The following PXK variants were observed in gnomAD, a reference collection of about 807,000 sequenced individuals.
The protein encoded by PXK is PX domain containing serine/threonine kinase like, also known as PX domain-containing protein kinase-like protein.
A neutral mutation model predicts 84.7 loss-of-function variants in PXK; 35 were observed. That is an observed-to-expected ratio of 0.41 (90% CI 0.32 to 0.55). The LOEUF (loss-of-function observed/expected upper bound fraction) is 0.55, where lower values mean the gene tolerates loss of function less well. Among genes scored for constraint, PXK ranks in the 20% least tolerant of loss-of-function variants. The probability of loss-of-function intolerance (pLI) is 0.21; values close to 1 mark genes in which losing one functional copy is unlikely to be tolerated. For missense variants in PXK, 634 were observed against 699.7 expected, an observed-to-expected ratio of 0.91 and a Z score of 1.06; for synonymous variants, 253 against 260.8, an observed-to-expected ratio of 0.97 and a Z score of 0.29.
At chr3:58,335,018 GGTGTGT>G (rs375780661) in intron 1 of PXK, among the ~76,000 whole-genome samples, 13,834 of 106,368 alleles carry the variant, frequency 0.13, 1,086 homozygotes, top group African/African-American at 0.23. Context: ...TGTCCAGGCT[GGTGTGT>G]GTGTGTGTGT....
chr3:58,423,397 A>G lies in PXK; in HGVS notation c.1529-1355A>G, dbSNP rs981111596. On this transcript the variant is annotated intron_variant, in intron 17 of 17. Coordinates refer to ENST00000356151, the MANE Select transcript of PXK (RefSeq NM_017771.5). ...GTATTTAGTCTTTATTTGTATTGCTATCTTTGAGCATTCCAAGATTGCAGA... is the reference window on the plus strand; with the variant it reads ...GTATTTAGTCTTTATTTGTATTGCTGTCTTTGAGCATTCCAAGATTGCAGA... The G allele has an allele frequency of 3.3e-6, 5 of 1,507,360 alleles. No individual in the cohort carries two copies. The African/African-American group carries it at 4.1e-5, about 12-fold the overall frequency. 93.4% of individuals were successfully genotyped at this position (1,507,360 alleles called of 1,614,324 possible).
intron 17 of PXK, chr3:58,420,472 T>C: frequency 6.6e-7 from 1 of 1,511,992 alleles, no homozygotes; most frequent in Non-Finnish European, 8.9e-7. Context: ...TTTGATTAAA[T>C]GACACTAAAA....
intron 3 of PXK, among the ~76,000 whole-genome samples, chr3:58,373,929 C>T (rs1270420438): frequency 6.6e-6 from 1 of 151,606 alleles, no homozygotes; most frequent in Non-Finnish European, 1.5e-5. Flanking sequence ...CCTGTAGTCC[C>T]AGCTACTCGG....
intron 1 of PXK, among the ~76,000 whole-genome samples, chr3:58,343,699 A>G (rs1011587875): frequency 1.6e-4 from 24 of 152,158 alleles, no homozygotes; most frequent in African/African-American, 4.8e-4. Flanking sequence ...TTTATTGTCT[A>G]TGTATTGCTG....
chr3:58,368,366 G>A (rs904327637), intron 2 of PXK, among the ~76,000 whole-genome samples: 18 of 151,976 alleles, frequency 1.2e-4, no homozygotes, highest in Admixed American at 7.9e-4. Flanking sequence ...TCTGTTGCCC[G>A]GGCTGGAATG....
Position 58,402,236 on chromosome 3 carries a change from C to T in PXK, c.1182-1626C>T, listed in dbSNP as rs566591443. On this transcript the variant is annotated intron_variant, in intron 12 of 17. Coordinates refer to ENST00000356151, the MANE Select transcript of PXK (RefSeq NM_017771.5). ...CCTCCTCTCTTCTCCTCTTTTCTTTCCCTCCCCCTCGCACTCCCCCTCCCC... is the reference window on the plus strand; with the variant it reads ...CCTCCTCTCTTCTCCTCTTTTCTTTTCCTCCCCCTCGCACTCCCCCTCCCC... 1.1e-3 allele frequency among the ~76,000 whole-genome samples: 165 copies of T among 144,560 alleles called. 1 individual carries two copies. The highest frequency in any genetic ancestry group is 4.0e-3 in the African/African-American group (159 of 39,382). The allele number at this position is 144,560 out of a possible 152,430, so 94.8% of individuals were successfully genotyped here. A position where few individuals can be genotyped will look rare whatever the true frequency, so the allele number is the denominator to read the frequency against.
intron 17 of PXK, chr3:58,420,956 T>C: frequency 2.9e-6 from 3 of 1,046,260 alleles, no homozygotes; most frequent in Non-Finnish European, 3.5e-6. Context: ...TGTTAGGCAC[T>C]TGAGCTCTTA....
intron 3 of PXK, among the ~76,000 whole-genome samples, chr3:58,375,285 A>T (rs944415514): frequency 1.2e-4 from 18 of 152,230 alleles, no homozygotes; most frequent in Non-Finnish European, 2.5e-4. Context: ...GTATTTTAAA[A>T]ATCCTTGCTC....
At position 58,398,550 on chromosome 3, in the gene PXK, G is replaced by A. The variant is rs907700203; in HGVS notation, c.1103-749G>A. 5.3e-5 allele frequency among the ~76,000 whole-genome samples: 8 copies of A among 152,182 alleles called. No individual in the cohort carries two copies. The highest frequency in any genetic ancestry group is 1.9e-4 in the East Asian group (1 of 5,182). On this transcript the variant is annotated intron_variant, in intron 11 of 17. Coordinates refer to ENST00000356151, the MANE Select transcript of PXK (RefSeq NM_017771.5). This position sits in a 1 kb window ranked among gnomAD's most constrained non-coding sequence, Gnocchi z 4.5. ...CAGGAGCTCTTACAGCATTACCTGC[G>A]GGGGCTGAGGGGAGCTGGAGGACAA... is the stretch of plus-strand genomic sequence containing the variant.
chr3:58,391,951 C>G, intron 7 of PXK, 104 bp downstream of exon 7: 1 of 1,029,034 alleles, frequency 9.7e-7, no homozygotes. Context: ...TGGGGAGATA[C>G]AGTGGATTTC....
intron 7 of PXK, among the ~76,000 whole-genome samples, chr3:58,392,175 C>A (rs2098637780): frequency 7.2e-6 from 1 of 139,790 alleles, no homozygotes; most frequent in Admixed American, 7.6e-5. Flanking sequence ...CTCTTTCCAG[C>A]CTGAGAAAAC....
intron 17 of PXK, chr3:58,413,188 C>G: frequency 1.7e-6 from 1 of 588,358 alleles, no homozygotes; most frequent in South Asian, 2.0e-5. Context: ...GGGCCACTAG[C>G]CACCCCCGGG....
At position 58,390,782 on chromosome 3, in the gene PXK, A is replaced by T. The variant is rs138195388; in HGVS notation, c.466+123A>T. The T allele has an allele frequency of 1.9e-4, 160 of 857,900 alleles. 1 individual carries two copies. The African/African-American group carries it at 2.1e-3, about 11-fold the overall frequency. The allele number at this position is 857,900 out of a possible 1,614,324, so 53.1% of individuals were successfully genotyped here. ...GCAGGTGACTTCTTTTTCTTTTTGC[A>T]TATCAACTGCTTGAGGATACAGCTG... On this transcript the variant is annotated intron_variant, in intron 5 of 17. Transcript: ENST00000356151. This position sits in a 1 kb window ranked among gnomAD's most constrained non-coding sequence, Gnocchi z 4.2.
Position 58,397,221 on chromosome 3 carries a change from A to C in PXK, c.984+21A>C. ...TCAATGTAAGTTGCTAAAGTAATGA[A>C]ATAGCAGGTTCATTTTTAGGTGTCA... On this transcript the variant is annotated intron_variant, in intron 10 of 17. Coordinates refer to ENST00000356151, the MANE Select transcript of PXK (RefSeq NM_017771.5). This position sits in a 1 kb window ranked among gnomAD's most constrained non-coding sequence, Gnocchi z 4.7. The C allele has an allele frequency of 6.2e-7, 1 of 1,610,122 alleles. No homozygotes were observed.
rs1354493652 is a variant in PXK, at chr3:58,398,829, A to G, written c.1103-470A>G. ...TGAATTTGAACCGCTGAAACTGAAC[A>G]GTGACCTGTGGGTAGAAAAATCTGG... is the stretch of plus-strand genomic sequence containing the variant. On this transcript the variant is annotated intron_variant, in intron 11 of 17. Coordinates refer to ENST00000356151, the MANE Select transcript of PXK (RefSeq NM_017771.5). This position sits in a 1 kb window ranked among gnomAD's most constrained non-coding sequence, Gnocchi z 4.5. Among the ~76,000 whole-genome samples, 1 of 152,250 alleles carries G rather than the reference A, an allele frequency of 6.6e-6. No homozygotes were observed. The highest frequency in any genetic ancestry group is 1.9e-4 in the East Asian group (1 of 5,198).
At chr3:58,404,542 T>A (rs898682711) in intron 13 of PXK, among the ~76,000 whole-genome samples, 4 of 152,186 alleles carry the variant, frequency 2.6e-5, no homozygotes, top group African/African-American at 9.7e-5. Context: ...TTGCTCCCAG[T>A]TGAGAGCTAC....
Position 58,390,469 on chromosome 3 carries a change from A to G in PXK, c.389-113A>G. On this transcript the variant is annotated intron_variant, in intron 4 of 17. Transcript: ENST00000356151. The surrounding 1 kb of genome is among the most constrained non-coding windows in gnomAD (Gnocchi z 4.2). ...ATTATTATTTTTTTTTTGGTAATTA[A>G]GTTTTTTAAAAAGGTCATAGACTAT... 1.7e-6 allele frequency: 1 copy of G among 574,004 alleles called. No homozygotes were observed. The highest frequency in any genetic ancestry group is 6.7e-5 in the South Asian group (1 of 14,924). The allele number at this position is 574,004 out of a possible 1,614,324, so 35.6% of individuals were successfully genotyped here. A position where few individuals can be genotyped will look rare whatever the true frequency, so the allele number is the denominator to read the frequency against.
chr3:58,346,588 G>A (rs900359861), intron 1 of PXK, among the ~76,000 whole-genome samples: 1 of 152,098 alleles, frequency 6.6e-6, no homozygotes, highest in African/African-American at 2.4e-5. Context: ...CATAATAGAT[G>A]ACATTGTTTA....
In PXK at chr3:58,410,100, G is replaced by T. The variant is rs141886525; in HGVS notation, c.1406G>T (p.Arg469Leu). Residue 469 changes from arginine to leucine, a missense_variant, in exon 16 of 18, where the codon CGA becomes CTA. Coordinates refer to ENST00000356151, the MANE Select transcript of PXK (RefSeq NM_017771.5). Reference protein sequence around the residue: ...RKILARKKSKRSALENSEEHS... With the variant: ...RKILARKKSKLSALENSEEHS... ...CTTTTATTCTTAAAGAAGTCAAAAC[G>T]ATCTGCTCTTGAAAATAGTGAAGAG... The T allele has an allele frequency of 1.5e-5, 24 of 1,593,960 alleles. No individual in the cohort carries two copies. Among genetic ancestry groups the T allele is most frequent in the African/African-American group, 2.7e-5 (2 of 74,524 alleles).
Sources: gnomAD v4.1 joint callset for allele counts (sites outside exome capture counted in the v4.1 genomes callset) on GRCh38, gnomAD v4.1.1 for gene constraint, Gnocchi (gnomAD v3.1) non-coding constraint, MANE v1.5 for transcripts, NCBI Gene and HGNC (gene_info 2026-07-23, HGNC 2026-07-21) for gene names.